The following CIT variants were observed in gnomAD, a reference collection of about 807,000 sequenced individuals.
The protein encoded by CIT is citron Rho-interacting kinase.
In CIT, 79 loss-of-function variants were observed where a neutral mutation model predicts 272.7. The ratio of observed to expected loss-of-function variants is 0.29; its 90% CI spans 0.24 to 0.35. The LOEUF (loss-of-function observed/expected upper bound fraction) is 0.35. Ranked by LOEUF, CIT falls within the 10% of genes least tolerant of loss-of-function variation. The pLI is 1.00. For missense variants in CIT, 1,909 were observed against 2,618.3 expected (o/e 0.73, Z 5.91); for synonymous variants, 948 against 995.6 (o/e 0.95, Z 0.90).
At chr12:119,716,416 T>TAAAAAAAAAAA (rs1481968570) in intron 32 of CIT, among the ~76,000 whole-genome samples, 34 of 70,540 alleles carry the variant, frequency 4.8e-4, no homozygotes, top group African/African-American at 7.4e-4. Context: ...AAAAAAAAAG[T>TAAAAAAAAAAA]AAAGCTCTTT....
intron 3 of CIT, among the ~76,000 whole-genome samples, chr12:119,867,185 T>C (rs1245804489): frequency 6.6e-6 from 1 of 151,458 alleles, no homozygotes; most frequent in South Asian, 2.1e-4. Flanking sequence ...CAAGAGGTAA[T>C]ACAATAACTT....
intron 24 of CIT, among the ~76,000 whole-genome samples, chr12:119,742,127 T>C (rs533696779): frequency 1.1e-4 from 17 of 152,178 alleles, no homozygotes; most frequent in Non-Finnish European, 2.4e-4. Context: ...TTGTTGCGGC[T>C]GCTGAAACCT....
In CIT at chr12:119,734,274, T is replaced by G. The variant is rs774062751; in HGVS notation, c.3240A>C (p.Glu1080Asp). The G allele has an allele frequency of 4.3e-6, 7 of 1,613,826 alleles. No homozygotes were observed. The highest frequency in any genetic ancestry group is 1.6e-4 in the Middle Eastern group (1 of 6,084). ...DLEALNDELL[E>D]KERQWEAWRS... Reference sequence around the variant, plus strand: ...TCCAGGCCTCCCACTGCCGCTCTTTTTCTAGCAGCTCATCGTTTAGGGCCT... The same window carrying G: ...TCCAGGCCTCCCACTGCCGCTCTTTGTCTAGCAGCTCATCGTTTAGGGCCT... Residue 1080 changes from glutamate (E) to aspartate (D), a missense_variant, in exon 26 of 48, where the codon GAA (glutamate) becomes GAC (aspartate). Around this residue, in one of 8 missense-constraint regions of CIT, gnomAD observed 530 missense variants for 822.4 expected, o/e 0.64. Transcript: ENST00000392521.
chr12:119,854,510 G>A (rs1970448558), intron 4 of CIT, among the ~76,000 whole-genome samples: 1 of 151,832 alleles, frequency 6.6e-6, no homozygotes, highest in Non-Finnish European at 1.5e-5. Flanking sequence ...AGGCATGGTG[G>A]CACCCGCCTG....
In CIT at chr12:119,700,634, G is replaced by A. The variant is rs1037179345; in HGVS notation, c.5623+111C>T. The stretch of plus-strand genomic sequence containing the variant: ...CTGACCTCATGATCCACCCGCCTCG[G>A]CCTCCCAAAGTGTTGGGATTACAGG... On this transcript the variant is annotated intron_variant, in intron 44 of 47. Coordinates refer to ENST00000392521, the MANE Select transcript of CIT (RefSeq NM_001206999.2). 8 of 872,042 alleles carry A rather than the reference G, an allele frequency of 9.2e-6. No individual in the cohort carries two copies. In the African/African-American group the frequency reaches 1.3e-4, roughly 14 times the overall value. The allele number at this position is 872,042 out of a possible 1,614,324, so 54.0% of individuals were successfully genotyped here. A position where few individuals can be genotyped will look rare whatever the true frequency, so the allele number is the denominator to read the frequency against.
intron 9 of CIT, among the ~76,000 whole-genome samples, chr12:119,809,370 C>T (rs1003933449): frequency 1.3e-5 from 2 of 152,168 alleles, no homozygotes. Flanking sequence ...GGCAGATCTA[C>T]ACTAAGGAAA....
At chr12:119,704,037 G>C (rs764606717) in intron 41 of CIT, among the ~76,000 whole-genome samples, 6 of 151,934 alleles carry the variant, frequency 3.9e-5, no homozygotes, top group Non-Finnish European at 2.9e-5. Flanking sequence ...CTTAGAAAGA[G>C]CCCCCCCTTT....
At position 119,728,544 on chromosome 12, in the gene CIT, C is replaced by G. The variant is rs758782215; in HGVS notation, c.3549G>C (p.Lys1183Asn). ...GTTTGAGCTCTCGTTCAGTCTCCAG[C>G]TTCTGCTGTAAGCTTCGGGCATTCA... ...LEMNARSLQQ[K>N]LETERELKQR... Residue 1183 changes from lysine (K) to asparagine (N), a missense_variant, in exon 28 of 48, where the codon AAG becomes AAC. Lys to Asn is a moderately conservative substitution (Grantham distance 94, BLOSUM62 0). Coordinates refer to ENST00000392521, the MANE Select transcript of CIT (RefSeq NM_001206999.2). This position sits in a 1 kb window ranked among gnomAD's most constrained non-coding sequence, Gnocchi z 4.3. The G allele has an allele frequency of 3.7e-6, 6 of 1,613,984 alleles. No homozygotes were observed. Among genetic ancestry groups the G allele is most frequent in the Non-Finnish European group, 5.1e-6 (6 of 1,179,896 alleles).
chr12:119,811,392 T>G, intron 9 of CIT, among the ~76,000 whole-genome samples: 1 of 152,212 alleles, frequency 6.6e-6, no homozygotes, highest in East Asian at 1.9e-4. Flanking sequence ...CCCATCTCTT[T>G]GCCTCCCCAA....
intron 19 of CIT, among the ~76,000 whole-genome samples, chr12:119,765,391 T>C (rs1171362988): frequency 6.9e-6 from 1 of 144,270 alleles, no homozygotes; most frequent in Admixed American, 7.1e-5. Context: ...ATATATATTA[T>C]AATATATATT....
chr12:119,856,608 C>T (rs879705366), intron 4 of CIT, among the ~76,000 whole-genome samples: 4 of 152,008 alleles, frequency 2.6e-5, no homozygotes, highest in Non-Finnish European at 5.9e-5. Context: ...CACACTTCTA[C>T]CCAACATGTT....
intron 10 of CIT, among the ~76,000 whole-genome samples, chr12:119,796,865 G>A (rs942938898): frequency 3.9e-5 from 6 of 152,292 alleles, no homozygotes; most frequent in Non-Finnish European, 5.9e-5. Flanking sequence ...AAAGTAGAAC[G>A]TTGTCTCGAA....
At chr12:119,843,648 A>G (rs1969565146) in intron 5 of CIT, among the ~76,000 whole-genome samples, 2 of 152,080 alleles carry the variant, frequency 1.3e-5, no homozygotes, top group South Asian at 2.1e-4. Context: ...CGTCTCTACT[A>G]AAAAGACAAA....
intron 14 of CIT, 103 bp from the exon 15 acceptor site, chr12:119,776,511 A>G: frequency 8.6e-7 from 1 of 1,165,196 alleles, no homozygotes; most frequent in South Asian, 1.3e-5. Flanking sequence ...ATAGTAAATA[A>G]GAATAATGTT....
chr12:119,783,829 G>A, intron 12 of CIT, 79 bp downstream of exon 12: 1 of 1,471,340 alleles, frequency 6.8e-7, no homozygotes, highest in African/African-American at 1.4e-5. Flanking sequence ...GTGCCTCATG[G>A]AGCCATCATG....
intron 5 of CIT, among the ~76,000 whole-genome samples, chr12:119,835,224 C>T (rs1389406940): frequency 2.0e-5 from 3 of 152,248 alleles, no homozygotes. Context: ...GCCTGGGCGG[C>T]TTCAGCCTCC....
chr12:119,790,718 TA>T (rs11365789), intron 10 of CIT, among the ~76,000 whole-genome samples: 3,592 of 152,208 alleles, frequency 0.024, 132 homozygotes, highest in African/African-American at 0.083. Flanking sequence ...TTTTCATGAC[TA>T]GGGGTGCTAT....
rs1037664948 is a variant in CIT at position 119,834,652 on chromosome 12, C to T, written c.517-424G>A. Among the ~76,000 whole-genome samples, 102 of 152,194 alleles carry T rather than the reference C, an allele frequency of 6.7e-4. 1 individual carries two copies. Among genetic ancestry groups the T allele is most frequent in the African/African-American group, 2.4e-3 (101 of 41,454 alleles). Reference sequence around the variant, plus strand: ...CAGAAGGCTTGCAATAAATGTGATACAATCTTTTCCTTTTATAGTCAGTGT... The same window carrying T: ...CAGAAGGCTTGCAATAAATGTGATATAATCTTTTCCTTTTATAGTCAGTGT... On this transcript the variant is annotated intron_variant, in intron 5 of 47. Coordinates refer to ENST00000392521, the MANE Select transcript of CIT (RefSeq NM_001206999.2).
chr12:119,853,926 C>A (rs1412832326), intron 4 of CIT, among the ~76,000 whole-genome samples: 1 of 152,000 alleles, frequency 6.6e-6, no homozygotes, highest in South Asian at 2.1e-4. Context: ...GTGGCTCATG[C>A]CTGTAATCCC....
Sources: allele counts gnomAD v4.1 joint callset (sites outside exome capture counted in the v4.1 genomes callset), GRCh38; gene constraint gnomAD v4.1.1; regional missense constraint gnomAD v4.1.1; non-coding constraint Gnocchi (gnomAD v3.1); transcripts MANE v1.5; gene names NCBI Gene and HGNC (gene_info 2026-07-23, HGNC 2026-07-21).